The following ZBTB6 variants were observed in gnomAD, a reference collection of about 807,000 sequenced individuals.
ZBTB6 encodes the protein zinc finger and BTB domain containing 6.
ZBTB6 carries 11 observed loss-of-function variants against 30.6 expected under a neutral mutation model. The ratio of observed to expected loss-of-function variants is 0.36; its 90% CI spans 0.23 to 0.60. The LOEUF (loss-of-function observed/expected upper bound fraction) is 0.60. ZBTB6 is among the 20% of genes least tolerant of loss of function. The pLI, the probability that ZBTB6 is intolerant of heterozygous loss-of-function variation, is 0.75. For missense variants in ZBTB6, 380 were observed against 489.4 expected (o/e 0.78, Z 2.11); for synonymous variants, 174 against 172.0 (o/e 1.01, Z -0.09).
rs989184516 is a variant in ZBTB6, at chr9:122,911,778, C to G, written c.295G>C (p.Glu99Gln). ...GCAGCAGTCAAGTATTTCAAAAGCTCTTTCCTTTTAACTTCAAGTGCTCCA... is the reference window on the plus strand; with the variant it reads ...GCAGCAGTCAAGTATTTCAAAAGCTGTTTCCTTTTAACTTCAAGTGCTCCA... ...YTGALEVKRK[E>Q]LLKYLTAASY... is the part of the protein sequence containing the mutation. Residue 99 changes from glutamate (E) to glutamine (Q), a missense_variant, in exon 2 of 2, where the codon GAG (glutamate) becomes CAG (glutamine). By Grantham distance (29) the Glu-to-Gln change is conservative (BLOSUM62 2). Coordinates refer to ENST00000373659, the MANE Select transcript of ZBTB6 (RefSeq NM_006626.6). The surrounding 1 kb of genome is among the most constrained non-coding windows in gnomAD (Gnocchi z 4.5). 1 of 1,614,190 alleles carries G rather than the reference C, an allele frequency of 6.2e-7. No homozygotes were observed. Among genetic ancestry groups the G allele is most frequent in the Non-Finnish European group, 8.5e-7 (1 of 1,180,036 alleles).
rs1160597582 is a variant in ZBTB6, at chr9:122,909,956, A to C, written c.*842T>G. On this transcript the variant is annotated 3_prime_UTR_variant, in exon 2 of 2. Transcript: ENST00000373659. ...TCTGTTAAAATTCACAGAACTATAC[A>C]CCAAGAAGAAATTTCAATTTTACTT... 2.0e-5 allele frequency: 3 copies of C among 152,194 alleles called. No homozygotes were observed. The highest frequency in any genetic ancestry group is 4.4e-5 in the Non-Finnish European group (3 of 68,040). The allele number at this position is 152,194 out of a possible 1,614,324, so 9.4% of individuals were successfully genotyped here.
In ZBTB6 at chr9:122,909,712, A is replaced by G. The variant is rs973803479; in HGVS notation, c.*1086T>C. Reference sequence around the variant, plus strand: ...TTCAAAATTTAAAATGACATGGATGAACCTCAAAGTCATTATGCTGGGTGA... The same window carrying G: ...TTCAAAATTTAAAATGACATGGATGGACCTCAAAGTCATTATGCTGGGTGA... On this transcript the variant is annotated 3_prime_UTR_variant, in exon 2 of 2. Coordinates refer to ENST00000373659, the MANE Select transcript of ZBTB6 (RefSeq NM_006626.6). The G allele has an allele frequency of 6.6e-6, 1 of 152,224 alleles. No individual in the cohort carries two copies. The highest frequency in any genetic ancestry group is 1.5e-5 in the Non-Finnish European group (1 of 68,042). 9.4% of individuals were successfully genotyped at this position (152,224 alleles called of 1,614,324 possible).
Position 122,911,422 on chromosome 9 carries a change from A to G in ZBTB6, c.651T>C (p.Ile217=), listed in dbSNP as rs1352499015. ...TVDIGFKDNE[I]CILHVESIST... ...TGATGGATTCTACATGAAGGATACAAATTTCATTGTCTTTAAAACCTATGT... is the reference window on the plus strand; with the variant it reads ...TGATGGATTCTACATGAAGGATACAGATTTCATTGTCTTTAAAACCTATGT... The change falls in exon 2 of 2, where the codon ATT becomes ATC. Residue 217 remains isoleucine (I), a synonymous_variant. Coordinates refer to ENST00000373659, the MANE Select transcript of ZBTB6 (RefSeq NM_006626.6). The surrounding 1 kb of genome is among the most constrained non-coding windows in gnomAD (Gnocchi z 4.5). 3.1e-6 allele frequency: 5 copies of G among 1,614,002 alleles called. No homozygotes were observed. The highest frequency in any genetic ancestry group is 3.3e-5 in the Admixed American group (2 of 60,004).
Position 122,911,193 on chromosome 9 carries a change from C to T in ZBTB6, c.880G>A (p.Glu294Lys), listed in dbSNP as rs1832950058. 1 of 1,614,156 alleles carries T rather than the reference C, an allele frequency of 6.2e-7. No homozygotes were observed. Among genetic ancestry groups the T allele is most frequent in the East Asian group, 2.2e-5 (1 of 44,886 alleles). Residue 294 changes from glutamate (E) to lysine (K), a missense_variant, in exon 2 of 2, where the codon GAG becomes AAG. Coordinates refer to ENST00000373659, the MANE Select transcript of ZBTB6 (RefSeq NM_006626.6). This position sits in a 1 kb window ranked among gnomAD's most constrained non-coding sequence, Gnocchi z 4.5. Reference sequence around the variant, plus strand: ...TGGTGCCTCAGTGAATAACCTTCCTCCAGATTCTGAATCTCACTCACTGTA... The same window carrying T: ...TGGTGCCTCAGTGAATAACCTTCCTTCAGATTCTGAATCTCACTCACTGTA... ...YGTVSEIQNL[E>K]EGYSLRHQCP...
In ZBTB6 at chr9:122,908,878, C is replaced by A. The variant is rs1832927574; in HGVS notation, c.*1920G>T. 6.6e-6 allele frequency: 1 copy of A among 152,164 alleles called. No individual in the cohort carries two copies. Among genetic ancestry groups the A allele is most frequent in the Non-Finnish European group, 1.5e-5 (1 of 68,028 alleles). The allele number at this position is 152,164 out of a possible 1,614,324, so 9.4% of individuals were successfully genotyped here. A position where few individuals can be genotyped will look rare whatever the true frequency, so the allele number is the denominator to read the frequency against. Reference sequence around the variant, plus strand: ...AAAGTTCATAAAGACACAAAACCGTCCTCTCTTGCTTTCCCCTCTTCTGTT... The same window carrying A: ...AAAGTTCATAAAGACACAAAACCGTACTCTCTTGCTTTCCCCTCTTCTGTT... On this transcript the variant is annotated 3_prime_UTR_variant, in exon 2 of 2. Transcript: ENST00000373659.
chr9:122,913,112 G>T, intron 1 of ZBTB6, 139 bp downstream of exon 1: 1 of 304,880 alleles, frequency 3.3e-6, no homozygotes, highest in Non-Finnish European at 4.8e-6. Flanking sequence ...AGGCAACCCT[G>T]CGAAGGGCCA....
Position 122,913,273 on chromosome 9 carries a change from G to T in ZBTB6, c.-32C>A. 1 of 986,012 alleles carries T rather than the reference G, an allele frequency of 1.0e-6. No individual in the cohort carries two copies. Among genetic ancestry groups the T allele is most frequent in the Non-Finnish European group, 1.2e-6 (1 of 830,006 alleles). The allele number at this position is 986,012 out of a possible 1,614,324, so 61.1% of individuals were successfully genotyped here. On this transcript the variant is annotated 5_prime_UTR_variant, in exon 1 of 2. Transcript: ENST00000373659. ...CACCGACTCAGAAAACTAGAGTCAAGGATTCCGCGGCAGCGTCTGCCCAAG... is the reference window on the plus strand; with the variant it reads ...CACCGACTCAGAAAACTAGAGTCAATGATTCCGCGGCAGCGTCTGCCCAAG...
rs1832952920 is a variant in ZBTB6, at chr9:122,911,388, C to G, written c.685G>C (p.Gly229Arg). ...ILHVESISTA[G>R]VENGQFSQPC... is the part of the protein sequence containing the mutation. ...TGTGAAAACTGCCCATTTTCGACACCAGCTGTACTGATGGATTCTACATGA... is the reference window on the plus strand; with the variant it reads ...TGTGAAAACTGCCCATTTTCGACACGAGCTGTACTGATGGATTCTACATGA... Residue 229 changes from glycine to arginine, a missense_variant, in exon 2 of 2, where the codon GGT becomes CGT. Gly to Arg is a moderately radical substitution (Grantham distance 125). Coordinates refer to ENST00000373659, the MANE Select transcript of ZBTB6 (RefSeq NM_006626.6). This position sits in a 1 kb window ranked among gnomAD's most constrained non-coding sequence, Gnocchi z 4.5. 6.2e-7 allele frequency: 1 copy of G among 1,613,948 alleles called. No individual in the cohort carries two copies. The highest frequency in any genetic ancestry group is 8.5e-7 in the Non-Finnish European group (1 of 1,180,042).
In ZBTB6 at chr9:122,913,263, C is replaced by G. The variant is rs1219507752; in HGVS notation, c.-22G>C. 4 of 985,962 alleles carry G rather than the reference C, an allele frequency of 4.1e-6. No homozygotes were observed. Among genetic ancestry groups the G allele is most frequent in the African/African-American group, 1.7e-5 (1 of 57,248 alleles). 61.1% of individuals were successfully genotyped at this position (985,962 alleles called of 1,614,324 possible). A position where few individuals can be genotyped will look rare whatever the true frequency, so the allele number is the denominator to read the frequency against. On this transcript the variant is annotated 5_prime_UTR_variant, in exon 1 of 2. Coordinates refer to ENST00000373659, the MANE Select transcript of ZBTB6 (RefSeq NM_006626.6). Reference sequence around the variant, plus strand: ...TGCACTCACTCACCGACTCAGAAAACTAGAGTCAAGGATTCCGCGGCAGCG... The same window carrying G: ...TGCACTCACTCACCGACTCAGAAAAGTAGAGTCAAGGATTCCGCGGCAGCG...
rs369686721 is a variant in ZBTB6 at position 122,911,187 on chromosome 9, C to T, written c.886G>A (p.Gly296Ser). The change falls in exon 2 of 2, where the codon GGT becomes AGT. Residue 296 changes from glycine (G) to serine (S), a missense_variant. Gly to Ser is a moderately conservative substitution (Grantham distance 56). Coordinates refer to ENST00000373659, the MANE Select transcript of ZBTB6 (RefSeq NM_006626.6). The surrounding 1 kb of genome is among the most constrained non-coding windows in gnomAD (Gnocchi z 4.5). ...GGGCACTGGTGCCTCAGTGAATAAC[C>T]TTCCTCCAGATTCTGAATCTCACTC... ...TVSEIQNLEE[G>S]YSLRHQCPRC... is the part of the protein sequence containing the mutation. The T allele has an allele frequency of 6.2e-7, 1 of 1,614,072 alleles. No homozygotes were observed. Among genetic ancestry groups the T allele is most frequent in the African/African-American group, 1.3e-5 (1 of 74,910 alleles).
chr9:122,910,182 T>C lies in ZBTB6; in HGVS notation c.*616A>G, dbSNP rs1832938158. 1.3e-5 allele frequency: 2 copies of C among 152,194 alleles called. No individual in the cohort carries two copies. Among genetic ancestry groups the C allele is most frequent in the South Asian group, 4.1e-4 (2 of 4,826 alleles). 9.4% of individuals were successfully genotyped at this position (152,194 alleles called of 1,614,324 possible). ...ACCATTTCTTAAGTATGTATACTAA[T>C]AAGGCATGGAAATAAAAGTATTTTA... On this transcript the variant is annotated 3_prime_UTR_variant, in exon 2 of 2. Coordinates refer to ENST00000373659, the MANE Select transcript of ZBTB6 (RefSeq NM_006626.6).
intron 1 of ZBTB6, among the ~76,000 whole-genome samples, chr9:122,912,843 A>G (rs901912076): frequency 3.3e-5 from 5 of 152,208 alleles, no homozygotes; most frequent in African/African-American, 1.2e-4. Flanking sequence ...ACACGAATAC[A>G]CATTTCTTAC....
In ZBTB6 at chr9:122,911,209, A is replaced by T. The variant is rs1026174770; in HGVS notation, c.864T>A (p.Ser288Arg). 6.2e-7 allele frequency: 1 copy of T among 1,614,160 alleles called. No homozygotes were observed. Among genetic ancestry groups the T allele is most frequent in the African/African-American group, 1.3e-5 (1 of 75,022 alleles). The change falls in exon 2 of 2, where the codon AGT (serine) becomes AGA (arginine). Residue 288 changes from serine (S) to arginine (R), a missense_variant. Ser to Arg is a moderately radical substitution (Grantham distance 110). Transcript: ENST00000373659. The surrounding 1 kb of genome is among the most constrained non-coding windows in gnomAD (Gnocchi z 4.5). ...AACCTTCCTCCAGATTCTGAATCTC[A>T]CTCACTGTACCATAACTTCCTTCAG... ...ENTEGSYGTV[S>R]EIQNLEEGYS...
Position 122,908,559 on chromosome 9 carries a change from A to C in ZBTB6, c.*2239T>G, listed in dbSNP as rs542506884. ...TTTTTTCAAATATCCAAGATAGTAG[A>C]TACTAATTCTTAAAAAATCAGAGTA... On this transcript the variant is annotated 3_prime_UTR_variant, in exon 2 of 2. Transcript: ENST00000373659. 2 of 152,618 alleles carry C rather than the reference A, an allele frequency of 1.3e-5. No individual in the cohort carries two copies. Among genetic ancestry groups the C allele is most frequent in the Non-Finnish European group, 2.9e-5 (2 of 68,014 alleles). The allele number at this position is 152,618 out of a possible 1,614,324, so 9.5% of individuals were successfully genotyped here. A position where few individuals can be genotyped will look rare whatever the true frequency, so the allele number is the denominator to read the frequency against.
chr9:122,912,835 A>C (rs1343074079), intron 1 of ZBTB6, among the ~76,000 whole-genome samples: 3 of 152,218 alleles, frequency 2.0e-5, no homozygotes, highest in Non-Finnish European at 4.4e-5. Flanking sequence ...ACAAAAAGAC[A>C]CGAATACACA....
Position 122,911,121 on chromosome 9 carries a change from G to A in ZBTB6, c.952C>T (p.Arg318Cys), listed in dbSNP as rs200785667. 24 of 1,614,178 alleles carry A rather than the reference G, an allele frequency of 1.5e-5. No individual in the cohort carries two copies. The highest frequency in any genetic ancestry group is 1.3e-4 in the East Asian group (6 of 44,892). Residue 318 changes from arginine (R) to cysteine (C), a missense_variant, in exon 2 of 2, where the codon CGC becomes TGC. By Grantham distance (180) the Arg-to-Cys change is radical. Coordinates refer to ENST00000373659, the MANE Select transcript of ZBTB6 (RefSeq NM_006626.6). The surrounding 1 kb of genome is among the most constrained non-coding windows in gnomAD (Gnocchi z 4.5). ...AATAGTTTATGCATTTTAAGGTGGC[G>A]CAGATAGTTTTCAACATGAAGAAAG... is the stretch of plus-strand genomic sequence containing the variant. Reference protein sequence around the residue: ...RGFLHVENYLRHLKMHKLFLC... With the variant: ...RGFLHVENYLCHLKMHKLFLC...
Position 122,911,289 on chromosome 9 carries a change from T to G in ZBTB6, c.784A>C (p.Ser262Arg). The G allele has an allele frequency of 6.2e-7, 1 of 1,614,162 alleles. No homozygotes were observed. The highest frequency in any genetic ancestry group is 8.5e-7 in the Non-Finnish European group (1 of 1,180,044). ...TTCCCAGGAACTTCAGCCACTCTGC[T>G]CTCAACTGTAGAATTGATCAATGAA... ...QHSLINSTVE[S>R]RVAEVPGNQD... Residue 262 changes from serine to arginine, a missense_variant, in exon 2 of 2, where the codon AGC (serine) becomes CGC (arginine). Transcript: ENST00000373659. The surrounding 1 kb of genome is among the most constrained non-coding windows in gnomAD (Gnocchi z 4.5).
Position 122,910,479 on chromosome 9 carries a change from G to C in ZBTB6, c.*319C>G, listed in dbSNP as rs1588125960. 4.7e-6 allele frequency: 1 copy of C among 212,146 alleles called. No individual in the cohort carries two copies. The highest frequency in any genetic ancestry group is 9.4e-6 in the Non-Finnish European group (1 of 105,936). 13.1% of individuals were successfully genotyped at this position (212,146 alleles called of 1,614,324 possible). ...TTTATACTTAAATCAATTACCTAGA[G>C]ACTCCAAATCGGAATCTGCAAATAC... On this transcript the variant is annotated 3_prime_UTR_variant, in exon 2 of 2. Transcript: ENST00000373659.
rs1465024084 is a variant in ZBTB6, at chr9:122,910,273, C to T, written c.*525G>A. ...AGTGAATCTGAATTGTTACTTTATA[C>T]ATTTTAAAATGAAAAGTATCTTGGT... On this transcript the variant is annotated 3_prime_UTR_variant, in exon 2 of 2. Transcript: ENST00000373659. 3 of 152,184 alleles carry T rather than the reference C, an allele frequency of 2.0e-5. No individual in the cohort carries two copies. Among genetic ancestry groups the T allele is most frequent in the Admixed American group, 2.0e-4 (3 of 15,280 alleles). The allele number at this position is 152,184 out of a possible 1,614,324, so 9.4% of individuals were successfully genotyped here. A position where few individuals can be genotyped will look rare whatever the true frequency, so the allele number is the denominator to read the frequency against.
Sources: allele counts gnomAD v4.1 joint callset (sites outside exome capture counted in the v4.1 genomes callset), GRCh38; gene constraint gnomAD v4.1.1; non-coding constraint Gnocchi (gnomAD v3.1); transcripts MANE v1.5; gene names NCBI Gene and HGNC (gene_info 2026-07-23, HGNC 2026-07-21).